EFNB1: variants seen among roughly 807,000 people sequenced by gnomAD.
The protein encoded by EFNB1 is ephrin-B1.
A neutral mutation model predicts 18.1 loss-of-function variants in EFNB1; 1 was observed. The ratio of observed to expected loss-of-function variants is 0.06; its 90% CI spans 0.02 to 0.26. EFNB1 has a LOEUF of 0.26. Among genes scored for constraint, EFNB1 ranks in the 10% least tolerant of loss-of-function variants. The pLI, the probability that EFNB1 is intolerant of heterozygous loss-of-function variation, is 1.00. For synonymous variants in EFNB1, 131 were observed against 127.5 expected (o/e 1.03, Z -0.19); for missense variants, 221 against 301.8 (o/e 0.73, Z 1.98).
At position 68,829,805 on chromosome X, in the gene EFNB1, G is replaced by T; in HGVS notation, c.29G>T (p.Gly10Val). ...GCTCGGCCTGGGCAGCGTTGGCTCG[G>T]CAAGTGGCTTGTGGCGATGGTCGTG... MARPGQRWL[G>V]KWLVAMVVWA... is the part of the protein sequence containing the mutation. Residue 10 changes from glycine (G) to valine (V), a missense_variant, in exon 1 of 5, where the codon GGC (glycine) becomes GTC (valine). By Grantham distance (109) the Gly-to-Val change is moderately radical. Transcript: ENST00000204961. The T allele has an allele frequency of 8.4e-7, 1 of 1,191,118 alleles. No homozygotes were observed. Among genetic ancestry groups the T allele is most frequent in the South Asian group, 1.8e-5 (1 of 54,202 alleles).
chrX:68,830,841 T>G (rs1189080064), intron 1 of EFNB1, among the ~76,000 whole-genome samples: 2 of 111,969 alleles, frequency 1.8e-5, no homozygotes, highest in Non-Finnish European at 3.8e-5. Flanking sequence ...CTTTTCTTTC[T>G]TCTCCTTCCT....
At chrX:68,837,011 G>T (rs2080462296) in intron 1 of EFNB1, among the ~76,000 whole-genome samples, 1 of 111,398 alleles carries the variant, frequency 9.0e-6, no homozygotes, top group African/African-American at 3.3e-5. Flanking sequence ...CTTTCATCCT[G>T]CCTTTCCTGT....
intron 1 of EFNB1, among the ~76,000 whole-genome samples, chrX:68,837,706 G>A (rs2080464172): frequency 8.9e-6 from 1 of 112,174 alleles, no homozygotes; most frequent in Admixed American, 9.4e-5. Flanking sequence ...GGCTCAAAAG[G>A]CATTTGTCCA....
intron 2 of EFNB1, among the ~76,000 whole-genome samples, 189 bp downstream of exon 2, chrX:68,839,083 C>T (rs1602670946): frequency 8.9e-6 from 1 of 112,397 alleles, no homozygotes; most frequent in East Asian, 2.8e-4. Flanking sequence ...CCAACATTTA[C>T]CAAGCTCACC....
chrX:68,839,004 C>T, intron 2 of EFNB1, 110 bp downstream of exon 2: 1 of 1,008,846 alleles, frequency 9.9e-7, no homozygotes, highest in Admixed American at 2.6e-5. Context: ...GTAGTTAAGA[C>T]CCTGCTGGAT....
rs1475294706 is a variant in EFNB1, at chrX:68,840,565, GAGA to G, written c.955_957del (p.Lys319del). ...AGAGAACAACTACTGCCCCCACTAT[GAGA>G]AGGTGAGTGGGGACTACGGGCACCC... On this transcript the variant is annotated inframe_deletion, in exon 5 of 5. Transcript: ENST00000204961. 3.3e-6 allele frequency: 4 copies of G among 1,211,212 alleles called. No homozygotes were observed. The South Asian group carries it at 7.0e-5, about 21-fold the overall frequency.
At position 68,840,797 on chromosome X, in the gene EFNB1, T is replaced by G; in HGVS notation, c.*143T>G. ...TTCTTGGCTTTTATAATCCCCCTTT[T>G]TCCCTGCCCCCTGGGCTTCGGAGGG... On this transcript the variant is annotated 3_prime_UTR_variant, in exon 5 of 5. Coordinates refer to ENST00000204961, the MANE Select transcript of EFNB1 (RefSeq NM_004429.5). 1.4e-6 allele frequency: 1 copy of G among 694,431 alleles called. No individual in the cohort carries two copies. The highest frequency in any genetic ancestry group is 3.6e-5 in the East Asian group (1 of 28,168). The allele number at this position is 694,431 out of a possible 1,213,427, so 57.2% of individuals were successfully genotyped here.
chrX:68,838,465 C>A, intron 1 of EFNB1, 152 bp from the exon 2 acceptor site: 1 of 643,887 alleles, frequency 1.6e-6, no homozygotes, highest in Non-Finnish European at 2.4e-6. Context: ...TCTCTCCCCA[C>A]CCCCAGCCTG....
intron 1 of EFNB1, among the ~76,000 whole-genome samples, chrX:68,837,640 G>A (rs2080464007): frequency 8.9e-6 from 1 of 112,229 alleles, no homozygotes; most frequent in South Asian, 3.7e-4. Context: ...GTCCTGGGCT[G>A]CTGACCCTCC....
At chrX:68,832,162 C>T (rs777857602) in intron 1 of EFNB1, among the ~76,000 whole-genome samples, 1 of 110,596 alleles carries the variant, frequency 9.0e-6, no homozygotes, top group East Asian at 2.9e-4. Flanking sequence ...TAAACAGTCC[C>T]TCTCTGTCTC....
intron 1 of EFNB1, among the ~76,000 whole-genome samples, chrX:68,836,746 C>G (rs1377621720): frequency 8.9e-6 from 1 of 112,330 alleles, no homozygotes; most frequent in Non-Finnish European, 1.9e-5. Flanking sequence ...GCTTCATTCT[C>G]TTTAAGCACT....
intron 1 of EFNB1, among the ~76,000 whole-genome samples, chrX:68,836,441 T>G (rs1263117401): frequency 8.9e-6 from 1 of 112,194 alleles, no homozygotes; most frequent in African/African-American, 3.2e-5. Context: ...GCTTTTACCC[T>G]CCTGCACATC....
Position 68,829,608 on chromosome X carries a change from G to A in EFNB1, c.-169G>A, listed in dbSNP as rs1015528229. 8.0e-6 allele frequency: 7 copies of A among 874,679 alleles called. No homozygotes were observed. In the African/African-American group the frequency reaches 1.2e-4, roughly 15 times the overall value. The allele number at this position is 874,679 out of a possible 1,213,427, so 72.1% of individuals were successfully genotyped here. On this transcript the variant is annotated 5_prime_UTR_variant, in exon 1 of 5. Transcript: ENST00000204961. ...GCCCAGTGAGTCCTCCTGGCCGGCC[G>A]GGCGGAGAAGAGCGACACCGAAGCC...
Position 68,829,571 on chromosome X carries a change from T to G in EFNB1, c.-206T>G, listed in dbSNP as rs1372999841. ...TCGGGGGCCGAAGCCCATGCCCGGGTTGGGGGCGGCTGCCCAGTGAGTCCT... is the reference window on the plus strand; with the variant it reads ...TCGGGGGCCGAAGCCCATGCCCGGGGTGGGGGCGGCTGCCCAGTGAGTCCT... On this transcript the variant is annotated 5_prime_UTR_variant, in exon 1 of 5. Coordinates refer to ENST00000204961, the MANE Select transcript of EFNB1 (RefSeq NM_004429.5). The G allele has an allele frequency of 2.6e-5, 15 of 572,060 alleles. No homozygotes were observed. Among genetic ancestry groups the G allele is most frequent in the Non-Finnish European group, 3.8e-5 (14 of 371,021 alleles). The allele number at this position is 572,060 out of a possible 1,213,427, so 47.1% of individuals were successfully genotyped here. A position where few individuals can be genotyped will look rare whatever the true frequency, so the allele number is the denominator to read the frequency against.
At chrX:68,830,864 C>T (rs945959171) in intron 1 of EFNB1, among the ~76,000 whole-genome samples, 10 of 111,832 alleles carry the variant, frequency 8.9e-5, no homozygotes, top group Non-Finnish European at 1.7e-4. Context: ...GCACAACTAC[C>T]CCACCACCAC....
rs1296210840 is a variant in EFNB1 at position 68,840,511 on chromosome X, A to G, written c.898A>G (p.Ser300Gly). Residue 300 changes from serine (S) to glycine (G), a missense_variant, in exon 5 of 5, where the codon AGC becomes GGC. Coordinates refer to ENST00000204961, the MANE Select transcript of EFNB1 (RefSeq NM_004429.5). ...CAGTGGCACAGCGGGCACCGAGCCC[A>G]GCGACATCATCATTCCCTTACGGAC... ...GGSGTAGTEP[S>G]DIIIPLRTTE... 1.7e-5 allele frequency: 20 copies of G among 1,210,035 alleles called. No individual in the cohort carries two copies. Among genetic ancestry groups the G allele is most frequent in the Non-Finnish European group, 2.2e-5 (20 of 894,955 alleles).
intron 1 of EFNB1, among the ~76,000 whole-genome samples, chrX:68,832,297 A>G (rs2080447785): frequency 1.8e-5 from 2 of 109,673 alleles, no homozygotes; most frequent in Admixed American, 1.9e-4. Context: ...CCTTGCTCTC[A>G]CACTCCCTCT....
chrX:68,832,213 C>T (rs2080447576), intron 1 of EFNB1, among the ~76,000 whole-genome samples: 3 of 111,016 alleles, frequency 2.7e-5, no homozygotes, highest in South Asian at 3.9e-4. Context: ...CTCTCAGGCC[C>T]GTGTCAGTTC....
At chrX:68,838,073 G>T (rs1569397778) in intron 1 of EFNB1, among the ~76,000 whole-genome samples, 1 of 108,644 alleles carries the variant, frequency 9.2e-6, no homozygotes, top group Non-Finnish European at 1.9e-5. Flanking sequence ...CCAGCCTTTG[G>T]CTGGGAGCTG....
Sources: gnomAD v4.1 joint callset for allele counts (sites outside exome capture counted in the v4.1 genomes callset) on GRCh38, gnomAD v4.1.1 for gene constraint, MANE v1.5 for transcripts, NCBI Gene and HGNC (gene_info 2026-07-23, HGNC 2026-07-21) for gene names.